The following SLC36A1 variants were observed in gnomAD, a reference collection of about 807,000 sequenced individuals.
SLC36A1 encodes the protein solute carrier family 36 member 1.
A neutral mutation model predicts 47.5 loss-of-function variants in SLC36A1; 30 were observed. The ratio of observed to expected loss-of-function variants is 0.63; its 90% CI spans 0.47 to 0.86. SLC36A1 has a LOEUF of 0.86. SLC36A1 is among the 40% of genes least tolerant of loss of function. The probability of loss-of-function intolerance (pLI) is 0.00; values close to 1 mark genes in which losing one functional copy is unlikely to be tolerated. For missense variants in SLC36A1, 517 were observed against 606.0 expected, an observed-to-expected ratio of 0.85 and a Z score of 1.54; for synonymous variants, 255 against 249.7, an observed-to-expected ratio of 1.02 and a Z score of -0.20.
At chr5:151,379,611 C>A in the SLC36A1 span, among the ~76,000 whole-genome samples, 1 of 152,196 alleles carries the variant, frequency 6.6e-6, no homozygotes, top group African/African-American at 2.4e-5. Context: ...GGATTACAGG[C>A]ATGAGCCACC....
At position 151,467,707 on chromosome 5, in the gene SLC36A1, G is replaced by A. The variant is rs1163360574; in HGVS notation, c.505G>A (p.Val169Met). The change falls in exon 7 of 11, where the codon GTG becomes ATG. Residue 169 changes from valine to methionine, a missense_variant and splice_region_variant. Physicochemically the swap from Val to Met is conservative, Grantham distance 21 (BLOSUM62 1). Coordinates refer to ENST00000243389, the MANE Select transcript of SLC36A1 (RefSeq NM_078483.4). The part of the protein sequence containing the change: ...FVFLADNFKQ[V>M]IEAANGTTNN... Reference sequence around the variant, plus strand: ...GTTTTCTTCCTTCCCCTCATTCTAGGTGATAGAAGCGGCCAATGGGACCAC... The same window carrying A: ...GTTTTCTTCCTTCCCCTCATTCTAGATGATAGAAGCGGCCAATGGGACCAC... 2.5e-6 allele frequency: 4 copies of A among 1,613,492 alleles called. No individual in the cohort carries two copies. The South Asian group carries it at 4.4e-5, about 18-fold the overall frequency.
chr5:151,383,835 G>A, the SLC36A1 span, among the ~76,000 whole-genome samples: 1 of 151,872 alleles, frequency 6.6e-6, no homozygotes, highest in Non-Finnish European at 1.5e-5. Flanking sequence ...GGCCTCCCAA[G>A]GTGCTGAGAT....
the SLC36A1 span, among the ~76,000 whole-genome samples, chr5:151,384,477 GT>G: frequency 6.6e-6 from 1 of 152,156 alleles, no homozygotes; most frequent in Non-Finnish European, 1.5e-5. Context: ...AAACATATAT[GT>G]TTCATGCCTT....
At chr5:151,451,290 C>T (rs1310160200) in intron 1 of SLC36A1, among the ~76,000 whole-genome samples, 1 of 152,156 alleles carries the variant, frequency 6.6e-6, no homozygotes, top group Non-Finnish European at 1.5e-5. Flanking sequence ...TGAGCTCAAG[C>T]AGTCCTCCCA....
chr5:151,493,359 C>T (rs149216273), downstream of SLC36A1, among the ~76,000 whole-genome samples: 32 of 152,268 alleles, frequency 2.1e-4, no homozygotes, highest in East Asian at 5.6e-3. Flanking sequence ...TCCCACAGGA[C>T]GAGGGCTCAG....
At chr5:151,542,824 A>G in the SLC36A1 span, 9 of 1,614,228 alleles carry the variant, frequency 5.6e-6, no homozygotes, top group Non-Finnish European at 6.8e-6. Flanking sequence ...GCAATGTGCC[A>G]TCACATCAAT....
the SLC36A1 span, chr5:151,553,233 A>G: frequency 6.2e-7 from 1 of 1,614,236 alleles, no homozygotes; most frequent in East Asian, 2.2e-5. Flanking sequence ...GACCCCCACC[A>G]TGTGGTTCAC....
the SLC36A1 span, among the ~76,000 whole-genome samples, chr5:151,429,839 C>A: frequency 6.6e-6 from 1 of 152,204 alleles, no homozygotes; most frequent in Non-Finnish European, 1.5e-5. Flanking sequence ...AGACCTCAAG[C>A]AGGCTGGCCT....
upstream of SLC36A1, among the ~76,000 whole-genome samples, chr5:151,434,369 T>C (rs1759645281): frequency 1.3e-5 from 2 of 152,128 alleles, no homozygotes; most frequent in African/African-American, 4.8e-5. Flanking sequence ...AAAATAGAAT[T>C]ATAATAGTTG....
intron 2 of SLC36A1, chr5:151,459,656 T>A (rs1218373949): frequency 6.6e-6 from 1 of 152,292 alleles, no homozygotes; most frequent in Non-Finnish European, 1.5e-5. Context: ...CTGACTTTTC[T>A]CTGTGTCCCA....
the SLC36A1 span, chr5:151,549,450 A>G: frequency 6.2e-7 from 1 of 1,614,214 alleles, no homozygotes; most frequent in South Asian, 1.1e-5. Context: ...TCCATCCTCC[A>G]CATGAATGGT....
At chr5:151,457,141 A>G (rs1189228451) in intron 1 of SLC36A1, among the ~76,000 whole-genome samples, 1 of 151,978 alleles carries the variant, frequency 6.6e-6, no homozygotes, top group African/African-American at 2.4e-5. Flanking sequence ...TGACTCTTTC[A>G]CTGTGCTGTA....
At chr5:151,526,591 G>A in the SLC36A1 span, among the ~76,000 whole-genome samples, 34 of 152,324 alleles carry the variant, frequency 2.2e-4, no homozygotes, top group South Asian at 2.1e-3. Flanking sequence ...GACATTCTCT[G>A]TTCCTTTCTT....
the SLC36A1 span, chr5:151,380,536 G>T: frequency 1.9e-6 from 1 of 525,550 alleles, no homozygotes; most frequent in South Asian, 1.4e-5. Context: ...AAGACAGTGG[G>T]TGATCCTAGA....
chr5:151,551,193 A>G, the SLC36A1 span, among the ~76,000 whole-genome samples: 1,433 of 152,256 alleles, frequency 9.4e-3, 19 homozygotes, highest in African/African-American at 0.033. Context: ...TTACCCAACC[A>G]TCATCCCCCT....
At chr5:151,532,388 AACACACACAC>A in the SLC36A1 span, among the ~76,000 whole-genome samples, 1,526 of 150,296 alleles carry the variant, frequency 0.01, 27 homozygotes, top group African/African-American at 0.033. Flanking sequence ...TGCGTGTACA[AACACACACAC>A]ACACACACAC....
chr5:151,525,670 T>G, the SLC36A1 span: 2 of 1,366,692 alleles, frequency 1.5e-6, no homozygotes, highest in Non-Finnish European at 2.1e-6. Flanking sequence ...CTAAGTGCTT[T>G]GTACATTTTT....
chr5:151,508,581 A>G, the SLC36A1 span, among the ~76,000 whole-genome samples: 30 of 152,142 alleles, frequency 2.0e-4, no homozygotes, highest in Admixed American at 4.6e-4. Context: ...GTTATGGCAC[A>G]TGCCTGTAAT....
At chr5:151,522,217 G>T in the SLC36A1 span, 4 of 647,706 alleles carry the variant, frequency 6.2e-6, no homozygotes, top group East Asian at 2.9e-5. Flanking sequence ...TCAGCGCATT[G>T]TTGCATTTAG....
Sources: gnomAD v4.1 joint callset for allele counts (sites outside exome capture counted in the v4.1 genomes callset) on GRCh38, gnomAD v4.1.1 for gene constraint, MANE v1.5 for transcripts, NCBI Gene and HGNC (gene_info 2026-07-23, HGNC 2026-07-21) for gene names.